The following AK5 variants were observed in gnomAD, a reference collection of about 807,000 sequenced individuals.
The protein encoded by AK5 is adenylate kinase isoenzyme 5.
In AK5, 27 loss-of-function variants were observed where a neutral mutation model predicts 69.5. The ratio of observed to expected loss-of-function variants is 0.39; its 90% confidence interval spans 0.29 to 0.54. AK5 has a LOEUF of 0.54. AK5 is among the 20% of genes least tolerant of loss of function. The pLI, the probability that AK5 is intolerant of heterozygous loss-of-function variation, is 0.71. For missense variants in AK5, 531 were observed against 700.4 expected, an observed-to-expected ratio of 0.76 and a Z score of 2.73; for synonymous variants, 260 against 244.4, an observed-to-expected ratio of 1.06 and a Z score of -0.60.
rs117701465 is a variant in AK5 at position 77,292,444 on chromosome 1, G to A, written c.248-1349G>A. Among the ~76,000 whole-genome samples the A allele has an allele frequency of 2.6e-5, 4 of 152,276 alleles. No individual in the cohort carries two copies. The East Asian group carries it at 7.7e-4, about 29-fold the overall frequency. On this transcript the variant is annotated intron_variant, in intron 2 of 13. Coordinates refer to ENST00000354567, the MANE Select transcript of AK5 (RefSeq NM_174858.3). ...TAACAGATCAACATCCCTGGGAGGA[G>A]ATGTGAGCCTTATGCCATGCTAAGA...
At chr1:77,480,788 T>C (rs1655205321) in intron 8 of AK5, among the ~76,000 whole-genome samples, 1 of 152,222 alleles carries the variant, frequency 6.6e-6, no homozygotes, top group African/African-American at 2.4e-5. Context: ...TAGGTCCCTG[T>C]CTTAAATCCA....
chr1:77,465,513 C>T (rs988232043), intron 8 of AK5, among the ~76,000 whole-genome samples: 4 of 152,144 alleles, frequency 2.6e-5, no homozygotes, highest in Non-Finnish European at 4.4e-5. Flanking sequence ...ACCTCTTAAC[C>T]GGGACGTCTT....
intron 13 of AK5, among the ~76,000 whole-genome samples, 187 bp from the exon 14 acceptor site, chr1:77,558,414 TC>T (rs1199024461): frequency 1.3e-5 from 2 of 149,640 alleles, no homozygotes; most frequent in Non-Finnish European, 3.0e-5. Flanking sequence ...TAGTGGTACT[TC>T]ATTGTTTTTT....
rs566703471 is a variant in AK5 at position 77,447,301 on chromosome 1, A to G, written c.1059+29586A>G. Among the ~76,000 whole-genome samples the G allele has an allele frequency of 6.5e-4, 99 of 152,366 alleles. 1 individual carries two copies. Among genetic ancestry groups the G allele is most frequent in the Non-Finnish European group, 1.1e-3 (77 of 68,038 alleles). On this transcript the variant is annotated intron_variant, in intron 8 of 13. Transcript: ENST00000354567. ...CAGAAATGTCCTTCATAGCTTCAGT[A>G]TAAATATTAAACAGTGTCAGTATAT...
intron 6 of AK5, among the ~76,000 whole-genome samples, chr1:77,367,059 C>A (rs2100453088): frequency 6.6e-6 from 1 of 152,218 alleles, no homozygotes; most frequent in Admixed American, 6.5e-5. Flanking sequence ...CATTCTCAGG[C>A]AAACTTGTGA....
At chr1:77,415,653 A>T (rs931263444) in intron 7 of AK5, among the ~76,000 whole-genome samples, 1 of 152,098 alleles carries the variant, frequency 6.6e-6, no homozygotes, top group Non-Finnish European at 1.5e-5. Context: ...CCACCCTATG[A>T]CCTGCGTCAT....
Position 77,535,851 on chromosome 1 carries a change from G to T in AK5, c.1433G>T (p.Gly478Val), listed in dbSNP as rs748872205. The change falls in exon 13 of 14, where the codon GGA (glycine) becomes GTA (valine). Residue 478 changes from glycine to valine, a missense_variant. Transcript: ENST00000354567. ...GTGCTCCACTCCCATCTCCAGATTGGAGACCCACAGTTGGTGATCTGTATG... is the reference window on the plus strand; with the variant it reads ...GTGCTCCACTCCCATCTCCAGATTGTAGACCCACAGTTGGTGATCTGTATG... The part of the protein sequence containing the change: ...KQGEEFGRRI[G>V]DPQLVICMDC... 1.1e-5 allele frequency: 17 copies of T among 1,611,216 alleles called. No individual in the cohort carries two copies. Among genetic ancestry groups the T allele is most frequent in the Non-Finnish European group, 9.3e-6 (11 of 1,178,784 alleles).
intron 5 of AK5, among the ~76,000 whole-genome samples, chr1:77,320,435 A>T (rs1660469815): frequency 6.6e-6 from 1 of 152,180 alleles, no homozygotes; most frequent in African/African-American, 2.4e-5. Flanking sequence ...TAAAACGCAG[A>T]TTGAAAGTAA....
intron 12 of AK5, among the ~76,000 whole-genome samples, chr1:77,528,498 C>T (rs1658405527): frequency 6.6e-6 from 1 of 152,158 alleles, no homozygotes; most frequent in South Asian, 2.1e-4. Flanking sequence ...TGAGGATTTC[C>T]TTGGACACTG....
At chr1:77,406,192 C>T (rs932770346) in intron 6 of AK5, among the ~76,000 whole-genome samples, 15 of 152,114 alleles carry the variant, frequency 9.9e-5, no homozygotes, top group African/African-American at 3.6e-4. Flanking sequence ...CCTTTGTGGC[C>T]ACCTTGTATC....
At position 77,340,921 on chromosome 1, in the gene AK5, C is replaced by T. The variant is rs866002198; in HGVS notation, c.891+353C>T. On this transcript the variant is annotated intron_variant, in intron 6 of 13. Coordinates refer to ENST00000354567, the MANE Select transcript of AK5 (RefSeq NM_174858.3). ...CTTTTGTCTGTCTTTGGAAGCCTAACAAAATTGATAGACTTATAACCACAC... is the reference window on the plus strand; with the variant it reads ...CTTTTGTCTGTCTTTGGAAGCCTAATAAAATTGATAGACTTATAACCACAC... 2.2e-5 allele frequency: 4 copies of T among 181,532 alleles called. No homozygotes were observed. The South Asian group carries it at 5.6e-4, about 25-fold the overall frequency. 11.2% of individuals were successfully genotyped at this position (181,532 alleles called of 1,614,324 possible).
intron 5 of AK5, among the ~76,000 whole-genome samples, chr1:77,299,842 A>ATT (rs34221500): frequency 2.6e-5 from 4 of 151,232 alleles, no homozygotes; most frequent in Non-Finnish European, 5.9e-5. Context: ...AAGCTACTTG[A>ATT]TTTTTTTTTA....
intron 10 of AK5, among the ~76,000 whole-genome samples, chr1:77,493,708 C>A (rs527307329): frequency 2.6e-5 from 4 of 152,300 alleles, no homozygotes; most frequent in African/African-American, 9.6e-5. Context: ...CTCTTTCACA[C>A]TCTTCCAGGC....
intron 8 of AK5, among the ~76,000 whole-genome samples, chr1:77,462,587 CTATT>C (rs1303399677): frequency 6.6e-6 from 1 of 152,048 alleles, no homozygotes; most frequent in Non-Finnish European, 1.5e-5. Context: ...AGTATATCCA[CTATT>C]TAGTTACCTG....
intron 6 of AK5, among the ~76,000 whole-genome samples, chr1:77,389,798 C>CA (rs1648297263): frequency 6.6e-6 from 1 of 151,838 alleles, no homozygotes; most frequent in Non-Finnish European, 1.5e-5. Context: ...CCCATCTCTA[C>CA]AAAAAATACA....
chr1:77,284,875 G>A (rs1326673664), intron 1 of AK5, among the ~76,000 whole-genome samples: 1 of 152,196 alleles, frequency 6.6e-6, no homozygotes, highest in African/African-American at 2.4e-5. Flanking sequence ...AACCAGTATT[G>A]TTTAAGGACG....
At chr1:77,361,044 A>G (rs1646853629) in intron 6 of AK5, among the ~76,000 whole-genome samples, 1 of 152,186 alleles carries the variant, frequency 6.6e-6, no homozygotes, top group Non-Finnish European at 1.5e-5. Flanking sequence ...TCTCCCTTCT[A>G]GCTTGGCCTC....
At chr1:77,392,437 T>G (rs1234394694) in intron 6 of AK5, among the ~76,000 whole-genome samples, 1 of 152,224 alleles carries the variant, frequency 6.6e-6, no homozygotes, top group Non-Finnish European at 1.5e-5. Context: ...CTTGACATAT[T>G]AGAGAAAGAA....
intron 6 of AK5, among the ~76,000 whole-genome samples, chr1:77,381,959 G>A (rs1468769047): frequency 2.2e-4 from 33 of 152,136 alleles, no homozygotes; most frequent in African/African-American, 4.8e-5. Context: ...GACCTCCTCC[G>A]CCATGCACAT....
Sources: allele counts gnomAD v4.1 joint callset (sites outside exome capture counted in the v4.1 genomes callset), GRCh38; gene constraint gnomAD v4.1.1; transcripts MANE v1.5; gene names NCBI Gene and HGNC (gene_info 2026-07-23, HGNC 2026-07-21).